The following DSCAM variants were observed in gnomAD, a reference collection of about 807,000 sequenced individuals.
DSCAM encodes the protein cell adhesion molecule DSCAM.
In DSCAM, 47 loss-of-function variants were observed where a neutral mutation model predicts 217.7. The ratio of observed to expected loss-of-function variants is 0.22; its 90% CI spans 0.17 to 0.28. The LOEUF is 0.28. Among genes scored for constraint, DSCAM ranks in the 10% least tolerant of loss-of-function variants. DSCAM has a pLI of 1.00. For synonymous variants in DSCAM, 1,056 were observed against 1,015.3 expected (o/e 1.04, Z -0.76); for missense variants, 2,080 against 2,618.3 (o/e 0.79, Z 4.49).
chr21:40,166,382 G>A (rs778322270), intron 16 of DSCAM, among the ~76,000 whole-genome samples: 3 of 152,162 alleles, frequency 2.0e-5, no homozygotes, highest in Non-Finnish European at 2.9e-5. Flanking sequence ...CGATAATAAC[G>A]TTCTGGATGA....
intron 16 of DSCAM, among the ~76,000 whole-genome samples, chr21:40,145,517 G>A (rs918219341): frequency 1.3e-5 from 2 of 152,134 alleles, no homozygotes; most frequent in Non-Finnish European, 2.9e-5. Flanking sequence ...TTAGGCTGAT[G>A]CGTAGGACTC....
At chr21:40,709,272 C>G (rs2837787) in intron 1 of DSCAM, among the ~76,000 whole-genome samples, 47,618 of 152,056 alleles carry the variant, frequency 0.31, 8,054 homozygotes, top group African/African-American at 0.44. Context: ...TCTTTACTAG[C>G]TTCACTGAGG....
chr21:40,107,519 T>A (rs1483058222), intron 20 of DSCAM, among the ~76,000 whole-genome samples: 1 of 152,108 alleles, frequency 6.6e-6, no homozygotes, highest in African/African-American at 2.4e-5. Context: ...ATCAAATCCA[T>A]CTAATTCAGG....
intron 3 of DSCAM, among the ~76,000 whole-genome samples, chr21:40,562,924 G>C (rs371192832): frequency 1.1e-4 from 16 of 152,172 alleles, no homozygotes; most frequent in African/African-American, 3.9e-4. Context: ...TCAACGGCTA[G>C]GAGAGAGAGA....
rs528170250 is a variant in DSCAM at position 40,544,929 on chromosome 21, A to G, written c.508+147881T>C. On this transcript the variant is annotated intron_variant, in intron 3 of 32. Transcript: ENST00000400454. ...ATTAAAAGTTTCCAAAAAAAAAAAA[A>G]GGTAGAATAGGCGCCAGAATTCAAA... Among the ~76,000 whole-genome samples, 362 of 151,486 alleles carry G rather than the reference A, an allele frequency of 2.4e-3. 1 individual carries two copies. Among genetic ancestry groups the G allele is most frequent in the African/African-American group, 8.2e-3 (339 of 41,248 alleles).
chr21:40,324,152 A>G (rs2123533971), intron 8 of DSCAM, among the ~76,000 whole-genome samples: 1 of 147,410 alleles, frequency 6.8e-6, no homozygotes, highest in Non-Finnish European at 1.5e-5. Context: ...AGAGAGAGAG[A>G]GAAAAGGAAA....
chr21:40,669,817 C>T lies in DSCAM; in HGVS notation c.508+22993G>A, dbSNP rs145623600. On this transcript the variant is annotated intron_variant, in intron 3 of 32. Transcript: ENST00000400454. ...TCATCTCGAACTCAGGTAATCTGCC[C>T]GCCTAGGCCTCCCAAAGTGCTGAGA... is the stretch of plus-strand genomic sequence containing the variant. Among the ~76,000 whole-genome samples, 654 of 152,048 alleles carry T rather than the reference C, an allele frequency of 4.3e-3. 6 individuals are homozygous for T. The highest frequency in any genetic ancestry group is 0.015 in the African/African-American group (618 of 41,506).
intron 11 of DSCAM, among the ~76,000 whole-genome samples, chr21:40,244,553 T>G (rs2073197068): frequency 6.6e-6 from 1 of 152,182 alleles, no homozygotes; most frequent in African/African-American, 2.4e-5. Flanking sequence ...GCATTTTGTT[T>G]TCTGTGATGC....
chr21:40,562,671 T>C (rs2076729658), intron 3 of DSCAM, among the ~76,000 whole-genome samples: 1 of 152,206 alleles, frequency 6.6e-6, no homozygotes. Flanking sequence ...TTGAATATAA[T>C]TACACAAAAT....
At chr21:40,638,766 T>C (rs1431111501) in intron 3 of DSCAM, among the ~76,000 whole-genome samples, 1 of 152,192 alleles carries the variant, frequency 6.6e-6, no homozygotes, top group Non-Finnish European at 1.5e-5. Flanking sequence ...TGGGACATTT[T>C]CTCCTCGTTA....
chr21:40,511,717 C>T (rs751032020), intron 3 of DSCAM, among the ~76,000 whole-genome samples: 10 of 151,962 alleles, frequency 6.6e-5, no homozygotes, highest in Non-Finnish European at 1.3e-4. Context: ...CTCGGCCGGG[C>T]GCGGTGGCTC....
intron 27 of DSCAM, among the ~76,000 whole-genome samples, chr21:40,069,312 G>A (rs2089255602): frequency 6.6e-6 from 1 of 152,166 alleles, no homozygotes; most frequent in Admixed American, 6.5e-5. Flanking sequence ...TGGATGAGGA[G>A]GCTCCCAGCT....
In DSCAM at chr21:40,116,225, T is replaced by C. The variant is rs147395694; in HGVS notation, c.3696+7970A>G. ...AACTACTAATGGGTATTAGGATTAA[T>C]ACTTGGGTGATGAAATAATCTGTAA... On this transcript the variant is annotated intron_variant, in intron 20 of 32. Transcript: ENST00000400454. Among the ~76,000 whole-genome samples, 295 of 152,278 alleles carry C rather than the reference T, an allele frequency of 1.9e-3. 1 individual carries two copies. Among genetic ancestry groups the C allele is most frequent in the Admixed American group, 4.8e-3 (73 of 15,300 alleles).
intron 3 of DSCAM, among the ~76,000 whole-genome samples, chr21:40,515,476 G>A (rs1452744751): frequency 5.9e-5 from 9 of 152,112 alleles, no homozygotes; most frequent in Non-Finnish European, 1.2e-4. Context: ...CTCCCCAAAG[G>A]TTTCAACATT....
intron 16 of DSCAM, among the ~76,000 whole-genome samples, chr21:40,156,378 G>A (rs1340767988): frequency 6.7e-6 from 1 of 149,706 alleles, no homozygotes; most frequent in African/African-American, 2.4e-5. Context: ...TCAGTCACAC[G>A]CCGGGTTGTT....
At chr21:40,245,518 C>T (rs1311316324) in intron 11 of DSCAM, among the ~76,000 whole-genome samples, 2 of 152,172 alleles carry the variant, frequency 1.3e-5, no homozygotes, top group Non-Finnish European at 2.9e-5. Flanking sequence ...CCACCTGCAC[C>T]TCTCCCTGAA....
intron 4 of DSCAM, among the ~76,000 whole-genome samples, chr21:40,357,329 G>A (rs895957069): frequency 2.0e-5 from 3 of 152,160 alleles, no homozygotes; most frequent in Non-Finnish European, 4.4e-5. Context: ...AACCAATGAT[G>A]TCTCACTGAT....
Position 40,578,586 on chromosome 21 carries a change from G to A in DSCAM, c.508+114224C>T, listed in dbSNP as rs138516132. Among the ~76,000 whole-genome samples, 6 of 152,312 alleles carry A rather than the reference G, an allele frequency of 3.9e-5. No homozygotes were observed. The East Asian group carries it at 9.6e-4, about 24-fold the overall frequency. The stretch of plus-strand genomic sequence containing the variant: ...AAGCTGGCCACTGGAGCCAGCAGCA[G>A]CACCCAGCGTGGGACCCCTTTTGCA... On this transcript the variant is annotated intron_variant, in intron 3 of 32. Transcript: ENST00000400454.
chr21:40,129,648 G>T (rs2146681459), intron 19 of DSCAM, among the ~76,000 whole-genome samples: 1 of 152,296 alleles, frequency 6.6e-6, no homozygotes, highest in East Asian at 1.9e-4. Flanking sequence ...TGGTATACCT[G>T]CCACTGCACA....
Sources: allele counts gnomAD v4.1 joint callset (sites outside exome capture counted in the v4.1 genomes callset), GRCh38; gene constraint gnomAD v4.1.1; transcripts MANE v1.5; gene names NCBI Gene and HGNC (gene_info 2026-07-23, HGNC 2026-07-21).